HDAC9: variants seen among roughly 807,000 people sequenced by gnomAD.
The protein encoded by HDAC9 is histone deacetylase 9.
HDAC9 carries 41 observed loss-of-function variants against 139.4 expected under a neutral mutation model. The observed-to-expected ratio is 0.29, with a 90% CI of 0.23 to 0.38. The LOEUF is 0.38. Ranked by LOEUF, HDAC9 falls within the 10% of genes least tolerant of loss-of-function variation. The pLI is 1.00. For synonymous variants in HDAC9, 517 were observed against 476.2 expected (o/e 1.09, Z -1.12); for missense variants, 1,147 against 1,297.0 (o/e 0.88, Z 1.78).
chr7:18,901,869 G>C (rs58374447), intron 22 of HDAC9, among the ~76,000 whole-genome samples: 27,853 of 151,794 alleles, frequency 0.18, 4,157 homozygotes, highest in East Asian at 0.48. Flanking sequence ...TTTTTTATTT[G>C]TCCCAAGAGT....
At chr7:18,825,043 A>C (rs956073107) in intron 17 of HDAC9, among the ~76,000 whole-genome samples, 1 of 152,218 alleles carries the variant, frequency 6.6e-6, no homozygotes, top group Non-Finnish European at 1.5e-5. Flanking sequence ...TACCATTTCT[A>C]AGTTAGAGAA....
At chr7:18,100,861 T>G (rs1191474587) in intron 1 of HDAC9, among the ~76,000 whole-genome samples, 3 of 152,164 alleles carry the variant, frequency 2.0e-5, no homozygotes, top group Non-Finnish European at 4.4e-5. Flanking sequence ...ATAAATCTTC[T>G]TGAGTATTTT....
intron 2 of HDAC9, chr7:18,496,616 G>A: frequency 2.6e-6 from 1 of 385,044 alleles, no homozygotes; most frequent in Admixed American, 4.1e-5. Flanking sequence ...CCTTTACTAT[G>A]CAACTAGAAA....
At chr7:18,773,703 G>A (rs1388754402) in intron 16 of HDAC9, among the ~76,000 whole-genome samples, 2 of 150,540 alleles carry the variant, frequency 1.3e-5, no homozygotes, top group African/African-American at 4.9e-5. Context: ...GTAGACAAAG[G>A]AAATGGTACT....
chr7:18,778,786 A>ATCTCCT (rs1790998762), intron 16 of HDAC9, among the ~76,000 whole-genome samples: 1 of 152,036 alleles, frequency 6.6e-6, no homozygotes, highest in African/African-American at 2.4e-5. Context: ...CAGAGCAAAC[A>ATCTCCT]TATTCCTCTC....
At chr7:18,247,648 A>G (rs1055116128) in intron 2 of HDAC9, among the ~76,000 whole-genome samples, 4 of 152,214 alleles carry the variant, frequency 2.6e-5, no homozygotes, top group Non-Finnish European at 5.9e-5. Flanking sequence ...TTCACTAGAA[A>G]GCTCCATATT....
At chr7:18,995,212 C>G (rs979999526) in intron 25 of HDAC9, among the ~76,000 whole-genome samples, 2 of 152,146 alleles carry the variant, frequency 1.3e-5, no homozygotes, top group African/African-American at 2.4e-5. Context: ...TAACAAATGG[C>G]AGAGCTCAGA....
intron 22 of HDAC9, among the ~76,000 whole-genome samples, chr7:18,904,867 G>C (rs1802079342): frequency 6.6e-6 from 1 of 151,608 alleles, no homozygotes; most frequent in Non-Finnish European, 1.5e-5. Flanking sequence ...GAGCCGCCGT[G>C]CCCGGCCACT....
intron 21 of HDAC9, among the ~76,000 whole-genome samples, chr7:18,870,087 G>A (rs1054962225): frequency 6.6e-6 from 1 of 151,962 alleles, no homozygotes; most frequent in Admixed American, 6.6e-5. Context: ...GTTCCTGTAC[G>A]CCAACACGCA....
chr7:18,656,492 C>A (rs1202532256), intron 11 of HDAC9, among the ~76,000 whole-genome samples: 2 of 152,082 alleles, frequency 1.3e-5, no homozygotes. Context: ...ATTGCAAAAT[C>A]TATCATCTTG....
chr7:18,956,716 A>G (rs1429278280), intron 24 of HDAC9, among the ~76,000 whole-genome samples: 2 of 152,144 alleles, frequency 1.3e-5, no homozygotes, highest in Non-Finnish European at 2.9e-5. Flanking sequence ...CTCAGGGGGA[A>G]GTTCAACTTA....
chr7:18,522,567 GAA>G (rs879624035), intron 2 of HDAC9, among the ~76,000 whole-genome samples: 5 of 99,514 alleles, frequency 5.0e-5, no homozygotes, highest in African/African-American at 1.5e-4. Context: ...TGTTAATACT[GAA>G]AAAAAAAAAG....
intron 2 of HDAC9, among the ~76,000 whole-genome samples, chr7:18,515,271 A>G (rs1256379628): frequency 6.6e-6 from 1 of 152,144 alleles, no homozygotes; most frequent in African/African-American, 2.4e-5. Flanking sequence ...TTTTTCTTTC[A>G]TATGTTAAGT....
At chr7:18,811,637 T>A (rs1235967120) in intron 17 of HDAC9, among the ~76,000 whole-genome samples, 1 of 151,880 alleles carries the variant, frequency 6.6e-6, no homozygotes, top group African/African-American at 2.4e-5. Context: ...ATATTTATAA[T>A]GGTATAATTT....
chr7:18,727,489 C>A (rs780097210), intron 12 of HDAC9, 91 bp from the exon 13 acceptor site: 32 of 1,063,304 alleles, frequency 3.0e-5, no homozygotes, highest in Non-Finnish European at 4.0e-5. Context: ...TGTCTCTGAC[C>A]TGATGAACTT....
At position 18,711,033 on chromosome 7, in the gene HDAC9, T is replaced by A. The variant is rs142130339; in HGVS notation, c.1732-16547T>A. ...ATATCTTCTGCAGGTGTAGTAATAA[T>A]TTTCAGTATGTCTGGATGCCTAGAA... On this transcript the variant is annotated intron_variant, in intron 12 of 25. Coordinates refer to ENST00000686413, the MANE Select transcript of HDAC9 (RefSeq NM_178425.4). 2.5e-3 allele frequency among the ~76,000 whole-genome samples: 386 copies of A among 152,324 alleles called. 2 individuals are homozygous for A. The highest frequency in any genetic ancestry group is 8.8e-3 in the African/African-American group (367 of 41,570).
chr7:18,443,998 ATC>A (rs1175176128), intron 1 of HDAC9, among the ~76,000 whole-genome samples: 1 of 151,974 alleles, frequency 6.6e-6, no homozygotes, highest in African/African-American at 2.4e-5. Flanking sequence ...GTATGTATGT[ATC>A]TGTCTATCTG....
chr7:18,793,720 T>C (rs1792534841), intron 17 of HDAC9, among the ~76,000 whole-genome samples: 1 of 152,134 alleles, frequency 6.6e-6, no homozygotes, highest in Non-Finnish European at 1.5e-5. Flanking sequence ...TAAGCAAAGC[T>C]ATGGTTCAGG....
intron 16 of HDAC9, among the ~76,000 whole-genome samples, chr7:18,785,950 A>G (rs377455137): frequency 2.8e-4 from 42 of 152,182 alleles, no homozygotes; most frequent in Non-Finnish European, 5.6e-4. Flanking sequence ...TAAATACTCA[A>G]TAATTGCTAG....
Sources: gnomAD v4.1 joint callset for allele counts (sites outside exome capture counted in the v4.1 genomes callset) on GRCh38, gnomAD v4.1.1 for gene constraint, MANE v1.5 for transcripts, NCBI Gene and HGNC (gene_info 2026-07-23, HGNC 2026-07-21) for gene names.